Variants in RBMS1 observed in about 807,000 individuals in gnomAD.
RBMS1 encodes RNA-binding motif, single-stranded-interacting protein 1.
In RBMS1, 17 loss-of-function variants were observed where a neutral mutation model predicts 62.3. That is an observed-to-expected ratio of 0.27 (90% CI 0.19 to 0.41). RBMS1 has a LOEUF of 0.41. Among genes scored for constraint, RBMS1 ranks in the 10% least tolerant of loss-of-function variants. The pLI is 1.00. For missense variants in RBMS1, 334 were observed against 504.5 expected (o/e 0.66, Z 3.24); for synonymous variants, 172 against 170.0 (o/e 1.01, Z -0.09).
chr2:160,406,939 G>A (rs190464442), intron 1 of RBMS1, among the ~76,000 whole-genome samples: 8 of 152,260 alleles, frequency 5.3e-5, no homozygotes, highest in Non-Finnish European at 1.2e-4. Context: ...AAAACCTTGA[G>A]AAAGTGACAG....
intron 1 of RBMS1, chr2:160,432,297 T>C (rs1165116603): frequency 6.6e-6 from 1 of 152,150 alleles, no homozygotes; most frequent in East Asian, 1.9e-4. Flanking sequence ...TGACTCTAAA[T>C]GGTGACCATA....
intron 2 of RBMS1, among the ~76,000 whole-genome samples, chr2:160,360,602 C>T (rs551898193): frequency 6.6e-6 from 1 of 152,276 alleles, no homozygotes; most frequent in East Asian, 1.9e-4. Context: ...CAGCTCTGCA[C>T]CAAGAAGCCC....
chr2:160,460,611 C>T (rs888499641), intron 1 of RBMS1, among the ~76,000 whole-genome samples: 1 of 152,228 alleles, frequency 6.6e-6, no homozygotes, highest in African/African-American at 2.4e-5. Flanking sequence ...TTTTCTAACA[C>T]AGGCCATTGG....
intron 1 of RBMS1, among the ~76,000 whole-genome samples, chr2:160,420,948 C>T (rs1226265959): frequency 1.3e-5 from 2 of 152,022 alleles, no homozygotes; most frequent in Admixed American, 6.6e-5. Context: ...TTTATTAAAA[C>T]CCAAGATGGT....
chr2:160,450,563 T>TAAAAAAAA (rs71006605), intron 1 of RBMS1, among the ~76,000 whole-genome samples: 41 of 122,368 alleles, frequency 3.4e-4, no homozygotes, highest in Middle Eastern at 4.5e-3. Context: ...AAATAAAAAA[T>TAAAAAAAA]GAAAAAAAAA....
chr2:160,315,284 T>G (rs10194324), intron 3 of RBMS1, among the ~76,000 whole-genome samples: 1 of 152,034 alleles, frequency 6.6e-6, no homozygotes, highest in Non-Finnish European at 1.5e-5. Context: ...TTGTGCTCTT[T>G]CATGCTGTCT....
At chr2:160,311,245 T>TATATAC (rs1689890034) in intron 4 of RBMS1, among the ~76,000 whole-genome samples, 1 of 141,210 alleles carries the variant, frequency 7.1e-6, no homozygotes, top group Non-Finnish European at 1.5e-5. Context: ...TATATATATA[T>TATATAC]ATATATATAT....
At chr2:160,394,086 G>C (rs1573993052) in intron 1 of RBMS1, among the ~76,000 whole-genome samples, 1 of 152,338 alleles carries the variant, frequency 6.6e-6, no homozygotes, top group East Asian at 1.9e-4. Flanking sequence ...GAAACAGTTG[G>C]TGAGGGAGAC....
intron 2 of RBMS1, among the ~76,000 whole-genome samples, chr2:160,326,751 C>T (rs140044980): frequency 2.7e-4 from 41 of 152,104 alleles, no homozygotes; most frequent in Non-Finnish European, 4.6e-4. Flanking sequence ...TGAGGGATGA[C>T]GAGACGGAGG....
At chr2:160,382,604 G>C (rs930230858) in intron 1 of RBMS1, among the ~76,000 whole-genome samples, 1 of 152,140 alleles carries the variant, frequency 6.6e-6, no homozygotes, top group Non-Finnish European at 1.5e-5. Context: ...TCCTGCCTTT[G>C]GTAATGGCCA....
intron 6 of RBMS1, among the ~76,000 whole-genome samples, chr2:160,294,361 A>G (rs1443397560): frequency 2.0e-5 from 3 of 152,216 alleles, no homozygotes; most frequent in African/African-American, 7.2e-5. Flanking sequence ...AGATTTTTAC[A>G]AAACTGTAAC....
chr2:160,292,050 CATAG>C (rs1262397015), intron 6 of RBMS1, among the ~76,000 whole-genome samples: 1 of 152,132 alleles, frequency 6.6e-6, no homozygotes, highest in South Asian at 2.1e-4. Context: ...ATTTTATTTG[CATAG>C]TTTATTATTG....
intron 1 of RBMS1, among the ~76,000 whole-genome samples, chr2:160,375,307 T>C (rs1441421119): frequency 6.6e-6 from 1 of 152,218 alleles, no homozygotes; most frequent in Non-Finnish European, 1.5e-5. Flanking sequence ...CGGCACCATT[T>C]TCCTATGCCC....
chr2:160,415,528 A>C (rs377108080), intron 1 of RBMS1, among the ~76,000 whole-genome samples: 33 of 152,342 alleles, frequency 2.2e-4, no homozygotes, highest in African/African-American at 7.9e-4. Context: ...AAAAATCTTT[A>C]TATCGTGGGA....
intron 1 of RBMS1, among the ~76,000 whole-genome samples, chr2:160,426,297 A>AGAAGGAAG (rs565449663): frequency 0.019 from 1,042 of 56,058 alleles, 129 homozygotes; most frequent in Admixed American, 0.13. Flanking sequence ...AAGAAAAGAA[A>AGAAGGAAG]GAAGGAAGGA....
chr2:160,277,441 C>T (rs573106855), intron 11 of RBMS1, 58 bp from the exon 12 acceptor site: 34 of 1,322,518 alleles, frequency 2.6e-5, no homozygotes, highest in Admixed American at 1.0e-4. Flanking sequence ...ATTTGGAGTA[C>T]GTGGGGGGAT....
intron 2 of RBMS1, among the ~76,000 whole-genome samples, chr2:160,335,635 G>A (rs543311989): frequency 1.2e-4 from 18 of 152,230 alleles, no homozygotes; most frequent in Non-Finnish European, 8.8e-5. Context: ...TGGCTAATTG[G>A]ACTTACAATC....
chr2:160,311,240 A>ATATATATATATC lies in RBMS1; in HGVS notation c.402+1915_402+1916insGATATATATATA, dbSNP rs1553505462. 1.0e-3 allele frequency among the ~76,000 whole-genome samples: 95 copies of ATATATATATATC among 91,500 alleles called. 3 individuals are homozygous for ATATATATATATC. Among genetic ancestry groups the ATATATATATATC allele is most frequent in the African/African-American group, 3.0e-3 (86 of 28,956 alleles). 60.0% of individuals were successfully genotyped at this position (91,500 alleles called of 152,430 possible). ...TCTATCTATCTATCTATCTATATATATATATATATATATATATAGTCTGTT... is the reference window on the plus strand; with the variant it reads ...TCTATCTATCTATCTATCTATATATATATATATATATCTATATATATATATATATAGTCTGTT... On this transcript the variant is annotated intron_variant, in intron 4 of 13. Transcript: ENST00000348849.
intron 1 of RBMS1, among the ~76,000 whole-genome samples, chr2:160,386,540 C>CA (rs60611251): frequency 7.2e-4 from 99 of 138,344 alleles, no homozygotes; most frequent in African/African-American, 1.8e-3. Flanking sequence ...GACTCCATCT[C>CA]AAAAAAAAAA....
Sources: allele counts gnomAD v4.1 joint callset (sites outside exome capture counted in the v4.1 genomes callset), GRCh38; gene constraint gnomAD v4.1.1; transcripts MANE v1.5; gene names NCBI Gene and HGNC (gene_info 2026-07-23, HGNC 2026-07-21).